Variants in RALGPS2 observed in about 807,000 individuals in gnomAD.
RALGPS2 encodes Ral GEF with PH domain and SH3 binding motif 2.
In RALGPS2, 43 loss-of-function variants were observed where a neutral mutation model predicts 86.8. The observed-to-expected ratio is 0.50, with a 90% CI of 0.39 to 0.64. The LOEUF (loss-of-function observed/expected upper bound fraction) is 0.64, where lower values mean the gene tolerates loss of function less well. Among genes scored for constraint, RALGPS2 ranks in the 30% least tolerant of loss-of-function variants. RALGPS2 has a pLI of 0.00. For synonymous variants in RALGPS2, 243 were observed against 231.3 expected (o/e 1.05, Z -0.46); for missense variants, 536 against 694.6 (o/e 0.77, Z 2.57).
intron 6 of RALGPS2, among the ~76,000 whole-genome samples, chr1:178,818,961 C>A (rs962934773): frequency 4.6e-5 from 7 of 151,246 alleles, no homozygotes; most frequent in Admixed American, 4.0e-4. Context: ...GCTACTAGTT[C>A]AGCATGAGTT....
chr1:178,805,159 T>C (rs893260654), intron 4 of RALGPS2, among the ~76,000 whole-genome samples: 17 of 150,548 alleles, frequency 1.1e-4, no homozygotes, highest in Admixed American at 3.9e-4. Flanking sequence ...TTTGAGTTCA[T>C]TGTAGATTCT....
intron 18 of RALGPS2, among the ~76,000 whole-genome samples, chr1:178,905,594 A>G (rs1660357738): frequency 6.6e-6 from 1 of 152,244 alleles, no homozygotes; most frequent in East Asian, 1.9e-4. Flanking sequence ...TAATGCTTAA[A>G]TATAGTTAGG....
At chr1:178,775,985 T>G (rs140279345) in intron 1 of RALGPS2, among the ~76,000 whole-genome samples, 93 of 151,378 alleles carry the variant, frequency 6.1e-4, no homozygotes, top group African/African-American at 2.1e-3. Flanking sequence ...CTTGCTATAA[T>G]TCCCTAAAAA....
At chr1:178,743,566 A>G (rs924073503) in intron 1 of RALGPS2, among the ~76,000 whole-genome samples, 10 of 152,320 alleles carry the variant, frequency 6.6e-5, no homozygotes, top group East Asian at 1.9e-4. Flanking sequence ...TGATGTTGCC[A>G]TGGAACTAAT....
intron 1 of RALGPS2, among the ~76,000 whole-genome samples, chr1:178,742,748 C>T (rs1342709299): frequency 6.6e-6 from 1 of 152,140 alleles, no homozygotes; most frequent in Non-Finnish European, 1.5e-5. Flanking sequence ...TGAGATCCTT[C>T]AAAATATGTT....
At chr1:178,856,398 T>TTTTTTTTTTC (rs1657580260) in intron 8 of RALGPS2, among the ~76,000 whole-genome samples, 1 of 81,646 alleles carries the variant, frequency 1.2e-5, no homozygotes, top group African/African-American at 7.6e-5. Flanking sequence ...TGGCTAATTT[T>TTTTTTTTTTC]TTTTTTTTTT....
At chr1:178,824,053 G>T (rs928003557) in intron 7 of RALGPS2, among the ~76,000 whole-genome samples, 5 of 152,174 alleles carry the variant, frequency 3.3e-5, no homozygotes, top group African/African-American at 1.2e-4. Context: ...TCACAGTCAG[G>T]TAAAGAAAAT....
Position 178,859,296 on chromosome 1 carries a change from G to A in RALGPS2, c.608-18202G>A, listed in dbSNP as rs535653381. 4.0e-5 allele frequency among the ~76,000 whole-genome samples: 6 copies of A among 150,630 alleles called. No homozygotes were observed. The Admixed American group carries it at 4.0e-4, about 10-fold the overall frequency. On this transcript the variant is annotated intron_variant, in intron 8 of 19. Coordinates refer to ENST00000367635, the MANE Select transcript of RALGPS2 (RefSeq NM_152663.5). Reference sequence around the variant, plus strand: ...CAATTATACCTAAAAAGTATATTAAGAAGCATTATAAATAATTTGAAAAAT... The same window carrying A: ...CAATTATACCTAAAAAGTATATTAAAAAGCATTATAAATAATTTGAAAAAT...
chr1:178,882,165 C>T (rs905603458), intron 10 of RALGPS2, among the ~76,000 whole-genome samples: 1 of 152,206 alleles, frequency 6.6e-6, no homozygotes, highest in Non-Finnish European at 1.5e-5. Flanking sequence ...TTTTATATTG[C>T]TGTCAGTTTC....
chr1:178,853,007 A>C, intron 8 of RALGPS2: 17 of 1,541,434 alleles, frequency 1.1e-5, no homozygotes, highest in Non-Finnish European at 1.4e-5. Context: ...GATAGTAAAC[A>C]TTTTTACAGA....
chr1:178,882,288 A>G (rs994551093), intron 10 of RALGPS2, among the ~76,000 whole-genome samples: 1 of 152,202 alleles, frequency 6.6e-6, no homozygotes, highest in Non-Finnish European at 1.5e-5. Flanking sequence ...TCTTTCATCC[A>G]CTAGACTGTA....
chr1:178,747,108 C>G, intron 1 of RALGPS2: 1 of 903,792 alleles, frequency 1.1e-6, no homozygotes, highest in Non-Finnish European at 1.8e-6. Context: ...TTCAGTAACA[C>G]TTGTTTAATG....
chr1:178,856,991 T>G (rs72707218), intron 8 of RALGPS2, among the ~76,000 whole-genome samples: 1 of 152,190 alleles, frequency 6.6e-6, no homozygotes, highest in Non-Finnish European at 1.5e-5. Context: ...TTGCTACCAC[T>G]ATTCTCCTTT....
At chr1:178,806,677 G>C (rs1274123705) in intron 4 of RALGPS2, among the ~76,000 whole-genome samples, 1 of 151,638 alleles carries the variant, frequency 6.6e-6, no homozygotes, top group East Asian at 1.9e-4. Context: ...TTGCTTAGTG[G>C]GTACAATGTC....
At chr1:178,853,904 T>TG in intron 8 of RALGPS2, 1 of 609,486 alleles carries the variant, frequency 1.6e-6, no homozygotes, top group Non-Finnish European at 2.6e-6. Flanking sequence ...TTGTTTATCA[T>TG]ATATACAATA....
chr1:178,901,416 A>G (rs565422233), intron 17 of RALGPS2, among the ~76,000 whole-genome samples: 5 of 152,188 alleles, frequency 3.3e-5, no homozygotes, highest in Admixed American at 6.6e-5. Flanking sequence ...TTTTTAAACA[A>G]TACCTGAATG....
At chr1:178,863,576 A>G (rs1658177471) in intron 8 of RALGPS2, among the ~76,000 whole-genome samples, 1 of 152,216 alleles carries the variant, frequency 6.6e-6, no homozygotes, top group African/African-American at 2.4e-5. Flanking sequence ...GTGTTTCAGT[A>G]AAGAAAGCAG....
chr1:178,877,359 T>C, intron 8 of RALGPS2, 139 bp from the exon 9 acceptor site: 1 of 1,301,224 alleles, frequency 7.7e-7, no homozygotes, highest in Non-Finnish European at 1.0e-6. Flanking sequence ...TTACCCAGGC[T>C]TCAGTGTATT....
rs569133245 is a variant in RALGPS2, at chr1:178,826,663, A to T, written c.480+4959A>T. ...GATATCCTTGAAATGTCCCCCTGAAAATGGTTAATTGTATGTTACGTATAT... is the reference window on the plus strand; with the variant it reads ...GATATCCTTGAAATGTCCCCCTGAATATGGTTAATTGTATGTTACGTATAT... On this transcript the variant is annotated intron_variant, in intron 7 of 19. Transcript: ENST00000367635. Among the ~76,000 whole-genome samples the T allele has an allele frequency of 2.3e-4, 35 of 152,174 alleles. 1 individual carries two copies. Among genetic ancestry groups the T allele is most frequent in the Admixed American group, 2.1e-3 (32 of 15,278 alleles).
Sources: allele counts gnomAD v4.1 joint callset (sites outside exome capture counted in the v4.1 genomes callset), GRCh38; gene constraint gnomAD v4.1.1; transcripts MANE v1.5; gene names NCBI Gene and HGNC (gene_info 2026-07-23, HGNC 2026-07-21).